The following PCDH20 variants were observed in gnomAD, a reference collection of about 807,000 sequenced individuals.
PCDH20 encodes the protein protocadherin 20.
PCDH20 carries 18 observed loss-of-function variants against 39.7 expected under a neutral mutation model. The ratio of observed to expected loss-of-function variants is 0.45; its 90% CI spans 0.31 to 0.67. The LOEUF (loss-of-function observed/expected upper bound fraction) is 0.67. Among genes scored for constraint, PCDH20 ranks in the 30% least tolerant of loss-of-function variants. The probability of loss-of-function intolerance (pLI) is 0.05; values close to 1 mark genes in which losing one functional copy is unlikely to be tolerated. For synonymous variants in PCDH20, 495 were observed against 455.4 expected (o/e 1.09, Z -1.11); for missense variants, 1,161 against 1,167.4 (o/e 0.99, Z 0.08).
exon 2 of PCDH20, chr13:61,410,459 C>T (rs1213349639): frequency 6.6e-6 from 1 of 152,058 alleles, no homozygotes; most frequent in East Asian, 1.9e-4. Flanking sequence ...TTCTTGGGCA[C>T]AATATCTAGT....
At chr13:61,414,933 AAAGGTAG>A (rs1871506105) in intron 1 of PCDH20, 87 bp downstream of exon 1, 1 of 1,262,488 alleles carries the variant, frequency 7.9e-7, no homozygotes, top group South Asian at 2.8e-5. Context: ...AAGTTTAGAT[AAAGGTAG>A]AAGGTTTGAA....
chr13:61,413,418 T>C lies in PCDH20; in HGVS notation c.681A>G (p.Arg227=), dbSNP rs1422523834. 3 of 1,613,492 alleles carry C rather than the reference T, an allele frequency of 1.9e-6. No individual in the cohort carries two copies. The South Asian group carries it at 3.3e-5, about 18-fold the overall frequency. Residue 227 remains arginine, a synonymous_variant, in exon 2 of 2, where the codon CGA becomes CGG. Coordinates refer to ENST00000409204, the Ensembl canonical transcript of PCDH20. The stretch of plus-strand genomic sequence containing the variant: ...CCACAGCAGGATGCTCTATGGCCAG[T>C]CGGGTGTTTACAGGTGCATTTTCCG...
At chr13:61,415,049 C>T in exon 1 of PCDH20, 1 of 1,541,280 alleles carries the variant, frequency 6.5e-7, no homozygotes, top group Non-Finnish European at 8.8e-7. Context: ...GTAGCTGGTG[C>T]TGCTCCTGGG....
chr13:61,414,097 G>C lies in PCDH20; in HGVS notation c.133-131C>G, dbSNP rs1427997997. The C allele has an allele frequency of 7.4e-6, 6 of 811,040 alleles. No individual in the cohort carries two copies. The Admixed American group carries it at 1.2e-4, about 16-fold the overall frequency. 50.2% of individuals were successfully genotyped at this position (811,040 alleles called of 1,614,324 possible). On this transcript the variant is annotated intron_variant, in intron 1 of 1. Coordinates refer to ENST00000409204, the Ensembl canonical transcript of PCDH20. ...AGAAGCAAAACCTCTAATTAGAACG[G>C]GGGCGGAGAAGAACCCTGCTGCGAA...
chr13:61,415,276 G>C (rs1368666336), exon 1 of PCDH20: 1 of 1,195,458 alleles, frequency 8.4e-7, no homozygotes, highest in Non-Finnish European at 1.1e-6. Context: ...CTTCAATTAA[G>C]GACGGGAACT....
rs913534914 is a variant in PCDH20, at chr13:61,411,479, T to C, written c.2620A>G (p.Ile874Val). Residue 874 changes from isoleucine (I) to valine (V), a missense_variant, in exon 2 of 2, where the codon ATA becomes GTA. Transcript: ENST00000409204. ...TCTACCTTCCTATGAGTCGGTTCTA[T>C]TGAGATTTGTGGTTCTTTCTCCTCT... is the stretch of plus-strand genomic sequence containing the variant. 6.8e-6 allele frequency: 11 copies of C among 1,614,150 alleles called. No individual in the cohort carries two copies. In the East Asian group the frequency reaches 8.9e-5, roughly 13 times the overall value.
chr13:61,412,539 G>T, exon 2 of PCDH20: 1 of 1,614,066 alleles, frequency 6.2e-7, no homozygotes. Flanking sequence ...GCACTTTAAT[G>T]ACCCTTTTGA....
At chr13:61,415,141 A>G in exon 1 of PCDH20, 1 of 1,473,234 alleles carries the variant, frequency 6.8e-7, no homozygotes, top group Non-Finnish European at 9.1e-7. Context: ...AGCTGCGCGC[A>G]TTCCCTCGGC....
chr13:61,415,210 A>T, exon 1 of PCDH20: 1 of 1,311,284 alleles, frequency 7.6e-7, no homozygotes, highest in East Asian at 3.1e-5. Context: ...GGCAGAAGAC[A>T]CTCCCTCTCG....
chr13:61,411,426 T>C, exon 2 of PCDH20: 1 of 1,614,124 alleles, frequency 6.2e-7, no homozygotes, highest in South Asian at 1.1e-5. Context: ...CAGACAGAGC[T>C]ACTAAGGTGG....
chr13:61,411,410 T>C (rs766813825), exon 2 of PCDH20: 1 of 1,614,140 alleles, frequency 6.2e-7, no homozygotes, highest in Non-Finnish European at 8.5e-7. Context: ...GAACCCAAGC[T>C]TATTACAGAC....
chr13:61,412,931 C>G, exon 2 of PCDH20: 1 of 1,614,194 alleles, frequency 6.2e-7, no homozygotes, highest in Non-Finnish European at 8.5e-7. Context: ...GACTCCAGAA[C>G]ACTTCCTCCA....
At chr13:61,411,191 G>A in exon 2 of PCDH20, 4 of 1,473,782 alleles carry the variant, frequency 2.7e-6, no homozygotes, top group Non-Finnish European at 3.7e-6. Context: ...TTTAGGTGAT[G>A]AAGATCCAAA....
exon 2 of PCDH20, chr13:61,411,189 A>T: frequency 6.9e-7 from 1 of 1,453,178 alleles, no homozygotes; most frequent in Non-Finnish European, 9.4e-7. Context: ...TTTTTAGGTG[A>T]TGAAGATCCA....
chr13:61,413,331 G>A lies in PCDH20; in HGVS notation c.768C>T (p.Phe256=), dbSNP rs549086648. 3.2e-5 allele frequency: 52 copies of A among 1,614,082 alleles called. 2 individuals are homozygous for A. In the South Asian group the frequency reaches 5.3e-4, roughly 16 times the overall value. Reference sequence around the variant, plus strand: ...TCTCATTCTCCTCCACGTCCAGGGTGAACATACCATGGTAGTCCAGTAAGC... The same window carrying A: ...TCTCATTCTCCTCCACGTCCAGGGTAAACATACCATGGTAGTCCAGTAAGC... Residue 256 remains phenylalanine, a synonymous_variant, in exon 2 of 2, where the codon TTC becomes TTT. Coordinates refer to ENST00000409204, the Ensembl canonical transcript of PCDH20.
chr13:61,409,889 A>C (rs1018196236), exon 2 of PCDH20: 1 of 152,120 alleles, frequency 6.6e-6, no homozygotes, highest in African/African-American at 2.4e-5. Flanking sequence ...ATTTGCAGAC[A>C]TATAAACACT....
At chr13:61,411,894 G>T in exon 2 of PCDH20, 1 of 1,614,140 alleles carries the variant, frequency 6.2e-7, no homozygotes, top group Non-Finnish European at 8.5e-7. Flanking sequence ...GGTTGTCATT[G>T]ATATCTAGAA....
exon 2 of PCDH20, chr13:61,413,733 G>A (rs191006369): frequency 2.8e-4 from 457 of 1,613,966 alleles, no homozygotes; most frequent in Non-Finnish European, 3.7e-4. Flanking sequence ...GTCCCCGGGA[G>A]GCCAGGCTGA....
chr13:61,412,091 G>C (rs1313291049), exon 2 of PCDH20: 23 of 1,613,790 alleles, frequency 1.4e-5, no homozygotes, highest in Non-Finnish European at 1.9e-5. Flanking sequence ...CATCCATTTC[G>C]TCCAGCGTCA....
Sources: gnomAD v4.1 joint callset for allele counts on GRCh38, gnomAD v4.1.1 for gene constraint, MANE v1.5 for transcripts, NCBI Gene and HGNC (gene_info 2026-07-23, HGNC 2026-07-21) for gene names.